SENP6: variants seen among roughly 807,000 people sequenced by gnomAD.
The protein encoded by SENP6 is sentrin-specific protease 6.
A neutral mutation model predicts 134.5 loss-of-function variants in SENP6; 41 were observed. The ratio of observed to expected loss-of-function variants is 0.30; its 90% CI spans 0.24 to 0.40. The LOEUF is 0.40. Among genes scored for constraint, SENP6 ranks in the 10% least tolerant of loss-of-function variants. The pLI is 1.00. For synonymous variants in SENP6, 395 were observed against 429.8 expected (o/e 0.92, Z 1.00); for missense variants, 1,248 against 1,312.5 (o/e 0.95, Z 0.76).
chr6:75,631,540 T>C (rs1414785524), intron 3 of SENP6, among the ~76,000 whole-genome samples: 1 of 152,252 alleles, frequency 6.6e-6, no homozygotes, highest in Non-Finnish European at 1.5e-5. Flanking sequence ...TTTTTACGTT[T>C]TTAAATGCTT....
Position 75,663,255 on chromosome 6 carries a change from T to G in SENP6, c.731T>G (p.Leu244Trp), listed in dbSNP as rs1229166000. Reference protein sequence around the residue: ...LQRNCRQAITLNESTGPLLRT... With the variant: ...LQRNCRQAITWNESTGPLLRT... Reference sequence around the variant, plus strand: ...AGAAATTGCAGACAAGCTATTACTTTGAATGAGTCTACTGGACCATTATTA... The same window carrying G: ...AGAAATTGCAGACAAGCTATTACTTGGAATGAGTCTACTGGACCATTATTA... The change falls in exon 9 of 24, where the codon TTG becomes TGG. Residue 244 changes from leucine (L) to tryptophan (W), a missense_variant. Physicochemically the swap from Leu to Trp is moderately conservative, Grantham distance 61. Around this residue, in one of 3 missense-constraint regions of SENP6, gnomAD observed 733 missense variants for 725.4 expected, o/e 1.01. Transcript: ENST00000447266. 2 of 1,613,318 alleles carry G rather than the reference T, an allele frequency of 1.2e-6. No individual in the cohort carries two copies. Among genetic ancestry groups the G allele is most frequent in the African/African-American group, 1.3e-5 (1 of 75,018 alleles).
intron 11 of SENP6, among the ~76,000 whole-genome samples, chr6:75,674,562 A>G (rs536564185): frequency 1.1e-4 from 17 of 152,272 alleles, no homozygotes; most frequent in Non-Finnish European, 2.4e-4. Context: ...GGCTCAAGCC[A>G]TCCTCCCAAA....
rs190771455 is a variant in SENP6 at position 75,663,157 on chromosome 6, A to G, written c.697-64A>G. ...AAGTTTATGAACACCGTGAATGTTCAAAATGTGGAAAGGAAAAAGAAAATC... is the reference window on the plus strand; with the variant it reads ...AAGTTTATGAACACCGTGAATGTTCGAAATGTGGAAAGGAAAAAGAAAATC... On this transcript the variant is annotated intron_variant, in intron 8 of 23. Transcript: ENST00000447266. The G allele has an allele frequency of 3.0e-5, 44 of 1,465,214 alleles. No homozygotes were observed. In the African/African-American group the frequency reaches 5.7e-4, roughly 19 times the overall value. 90.8% of individuals were successfully genotyped at this position (1,465,214 alleles called of 1,614,324 possible). A position where few individuals can be genotyped will look rare whatever the true frequency, so the allele number is the denominator to read the frequency against.
intron 1 of SENP6, among the ~76,000 whole-genome samples, chr6:75,614,418 A>T (rs1257993221): frequency 6.6e-6 from 1 of 152,034 alleles, no homozygotes; most frequent in Admixed American, 6.6e-5. Flanking sequence ...GGTGTGCACC[A>T]CCACGCCAGG....
In SENP6 at chr6:75,633,245, A is replaced by T. The variant is rs758000719; in HGVS notation, c.208-336A>T. Among the ~76,000 whole-genome samples the T allele has an allele frequency of 2.5e-4, 38 of 152,322 alleles. 1 individual carries two copies. The highest frequency in any genetic ancestry group is 1.6e-3 in the Admixed American group (24 of 15,284). ...CATATTTGGCTGTAGTGTTCTCCAG[A>T]TAGCAGCAAGGCCTGATAAGCAGGG... is the stretch of plus-strand genomic sequence containing the variant. On this transcript the variant is annotated intron_variant, in intron 3 of 23. Coordinates refer to ENST00000447266, the MANE Select transcript of SENP6 (RefSeq NM_015571.4).
At chr6:75,688,740 A>G (rs1487180842) in intron 16 of SENP6, among the ~76,000 whole-genome samples, 2 of 152,094 alleles carry the variant, frequency 1.3e-5, no homozygotes, top group Non-Finnish European at 2.9e-5. Context: ...GTGCAATATA[A>G]TGAAGCCCTG....
intron 14 of SENP6, 178 bp downstream of exon 14, chr6:75,677,434 C>A: frequency 1.9e-6 from 1 of 521,022 alleles, no homozygotes. Flanking sequence ...TGGGTAGGTG[C>A]CAAATACCAC....
At chr6:75,637,220 G>A (rs1326313147) in intron 5 of SENP6, among the ~76,000 whole-genome samples, 1 of 152,088 alleles carries the variant, frequency 6.6e-6, no homozygotes, top group Non-Finnish European at 1.5e-5. Context: ...CATCCATCTG[G>A]TAATTCATAC....
chr6:75,632,902 G>A (rs1362512316), intron 3 of SENP6, among the ~76,000 whole-genome samples: 1 of 152,068 alleles, frequency 6.6e-6, no homozygotes, highest in Non-Finnish European at 1.5e-5. Flanking sequence ...AAAACAATTA[G>A]GAGGTGAGTA....
At chr6:75,633,921 T>C (rs1036959924) in intron 4 of SENP6, among the ~76,000 whole-genome samples, 195 bp downstream of exon 4, 10 of 152,216 alleles carry the variant, frequency 6.6e-5, no homozygotes, top group African/African-American at 1.9e-4. Context: ...GTCTCTTGTT[T>C]CTGAATAAAA....
rs1311335419 is a variant in SENP6, at chr6:75,695,665, AG to A, written c.2076-137del. On this transcript the variant is annotated intron_variant, in intron 16 of 23. Transcript: ENST00000447266. ...AGCAGGAGAATCACTTGAACCCAGGAGGTGGAGGTTGCAGTGAGTTGAGATC... is the reference window on the plus strand; with the variant it reads ...AGCAGGAGAATCACTTGAACCCAGGAGTGGAGGTTGCAGTGAGTTGAGATC... 13 of 490,642 alleles carry A rather than the reference AG, an allele frequency of 2.6e-5. No individual in the cohort carries two copies. In the African/African-American group the frequency reaches 2.7e-4, roughly 10 times the overall value. The allele number at this position is 490,642 out of a possible 1,614,324, so 30.4% of individuals were successfully genotyped here.
At chr6:75,633,797 T>TTAA (rs1460205470) in intron 4 of SENP6, 71 bp downstream of exon 4, 7 of 1,355,966 alleles carry the variant, frequency 5.2e-6, no homozygotes, top group African/African-American at 3.0e-5. Flanking sequence ...ACTTAGAAGC[T>TTAA]AATAGGCCCA....
chr6:75,658,237 GTGA>G (rs1243585451), intron 7 of SENP6, among the ~76,000 whole-genome samples: 3 of 152,070 alleles, frequency 2.0e-5, no homozygotes, highest in Non-Finnish European at 4.4e-5. Flanking sequence ...CAATGAGAGG[GTGA>G]TGATCACTTA....
intron 6 of SENP6, chr6:75,644,020 G>A (rs1309102031): frequency 6.6e-6 from 1 of 152,124 alleles, no homozygotes; most frequent in Non-Finnish European, 1.5e-5. Flanking sequence ...TTCTGGGGTT[G>A]TGATAGGTAA....
intron 5 of SENP6, among the ~76,000 whole-genome samples, chr6:75,635,946 A>G (rs1451414090): frequency 1.3e-5 from 2 of 152,156 alleles, no homozygotes; most frequent in Non-Finnish European, 1.5e-5. Flanking sequence ...TGATTCATTT[A>G]CAACCAAAAT....
At chr6:75,614,547 T>C (rs1047760835) in intron 1 of SENP6, among the ~76,000 whole-genome samples, 7 of 152,124 alleles carry the variant, frequency 4.6e-5, no homozygotes, top group African/African-American at 1.7e-4. Context: ...ATTACAGGCG[T>C]GAGCCACTGC....
At chr6:75,629,019 C>T (rs1239543402) in intron 3 of SENP6, among the ~76,000 whole-genome samples, 1 of 152,196 alleles carries the variant, frequency 6.6e-6, no homozygotes, top group Non-Finnish European at 1.5e-5. Context: ...GCCACTGTGC[C>T]TGGCCACAGT....
intron 16 of SENP6, among the ~76,000 whole-genome samples, chr6:75,692,245 CAT>C (rs984358994): frequency 3.9e-5 from 6 of 152,098 alleles, no homozygotes; most frequent in Non-Finnish European, 1.5e-5. Context: ...AGTTGTGACA[CAT>C]GTACACTTAA....
intron 17 of SENP6, 147 bp from the exon 18 acceptor site, chr6:75,697,278 G>A: frequency 3.5e-6 from 2 of 578,786 alleles, no homozygotes; most frequent in South Asian, 6.1e-5. Flanking sequence ...CATCCAACAA[G>A]TTCTATTTTC....
Sources: allele counts gnomAD v4.1 joint callset (sites outside exome capture counted in the v4.1 genomes callset), GRCh38; gene constraint gnomAD v4.1.1; regional missense constraint gnomAD v4.1.1; transcripts MANE v1.5; gene names NCBI Gene and HGNC (gene_info 2026-07-23, HGNC 2026-07-21).